The following PGR variants were observed in gnomAD, a reference collection of about 807,000 sequenced individuals.
PGR encodes the protein progesterone receptor.
In PGR, 25 loss-of-function variants were observed where a neutral mutation model predicts 76.1. That is an observed-to-expected ratio of 0.33 (90% CI 0.24 to 0.46). PGR has a LOEUF of 0.46. PGR is among the 20% of genes least tolerant of loss of function. The pLI is 1.00. For synonymous variants in PGR, 579 were observed against 535.0 expected (o/e 1.08, Z -1.14); for missense variants, 1,172 against 1,225.3 (o/e 0.96, Z 0.65).
chr11:101,059,089 C>A (rs1052279334), intron 4 of PGR, among the ~76,000 whole-genome samples: 1 of 151,956 alleles, frequency 6.6e-6, no homozygotes, highest in Non-Finnish European at 1.5e-5. Flanking sequence ...CATTATTCAG[C>A]AAACCTATCT....
intron 2 of PGR, among the ~76,000 whole-genome samples, chr11:101,102,954 C>T (rs1004156619): frequency 6.6e-6 from 1 of 151,920 alleles, no homozygotes; most frequent in Non-Finnish European, 1.5e-5. Context: ...GGAGCACAAC[C>T]TAGATCCCTG....
chr11:101,066,610 T>C (rs1016219306), intron 3 of PGR, among the ~76,000 whole-genome samples: 1 of 152,186 alleles, frequency 6.6e-6, no homozygotes, highest in African/African-American at 2.4e-5. Context: ...GCATCTCCAC[T>C]TGTATTTCTA....
At position 101,051,530 on chromosome 11, in the gene PGR, T is replaced by C. The variant is rs1156810626; in HGVS notation, c.2251A>G (p.Ile751Val). 6.2e-7 allele frequency: 1 copy of C among 1,609,630 alleles called. No individual in the cohort carries two copies. Among genetic ancestry groups the C allele is most frequent in the Non-Finnish European group, 8.5e-7 (1 of 1,176,224 alleles). Residue 751 changes from isoleucine to valine, a missense_variant, in exon 5 of 8, where the codon ATT becomes GTT. Ile to Val is a conservative substitution (Grantham distance 29). Coordinates refer to ENST00000325455, the MANE Select transcript of PGR (RefSeq NM_000926.4). ...NLHIDDQITL[I>V]QYSWMSLMVF... ...ATTAAGCTCATCCAAGAATACTGAA[T>C]GAGAGTTATCTGGTCATCAATATGT...
intron 2 of PGR, among the ~76,000 whole-genome samples, chr11:101,116,712 G>T (rs77190603): frequency 6.9e-6 from 1 of 145,058 alleles, no homozygotes; most frequent in Non-Finnish European, 1.5e-5. Context: ...TGCACTCCAG[G>T]CTGGGTGACA....
intron 2 of PGR, among the ~76,000 whole-genome samples, chr11:101,122,187 A>G (rs1862702301): frequency 6.6e-6 from 1 of 150,724 alleles, no homozygotes; most frequent in Non-Finnish European, 1.5e-5. Context: ...ATAATATGCA[A>G]TACAATTGAA....
In PGR at chr11:101,110,190, C is replaced by G. The variant is rs540366181; in HGVS notation, c.1789+15817G>C. Among the ~76,000 whole-genome samples, 577 of 152,314 alleles carry G rather than the reference C, an allele frequency of 3.8e-3. 5 individuals are homozygous for G. Among genetic ancestry groups the G allele is most frequent in the Non-Finnish European group, 6.2e-3 (425 of 68,016 alleles). On this transcript the variant is annotated intron_variant, in intron 2 of 7. Transcript: ENST00000325455. ...TGGATCACTGAGTAATTCTGACTTT[C>G]AAGCCTTATGACTTAAGAAACTCAT...
At chr11:101,055,199 G>A (rs1251977934) in intron 4 of PGR, among the ~76,000 whole-genome samples, 1 of 151,966 alleles carries the variant, frequency 6.6e-6, no homozygotes, top group East Asian at 1.9e-4. Flanking sequence ...TGGATCACAA[G>A]GTCAAGAGAT....
intron 3 of PGR, among the ~76,000 whole-genome samples, chr11:101,071,009 C>A (rs576616231): frequency 2.6e-5 from 4 of 152,248 alleles, no homozygotes; most frequent in Admixed American, 6.5e-5. Flanking sequence ...GGTCCCTGAC[C>A]CCTGTGCCTC....
chr11:101,115,311 T>C (rs1290110838), intron 2 of PGR, among the ~76,000 whole-genome samples: 2 of 152,000 alleles, frequency 1.3e-5, no homozygotes, highest in Admixed American at 6.6e-5. Flanking sequence ...ATGATCTTTT[T>C]CCCCTTGAAA....
At chr11:101,100,071 C>T (rs1394144667) in intron 2 of PGR, among the ~76,000 whole-genome samples, 1 of 152,162 alleles carries the variant, frequency 6.6e-6, no homozygotes, top group East Asian at 1.9e-4. Flanking sequence ...ATTTTGATTA[C>T]TGATATGGTT....
intron 1 of PGR, chr11:101,127,027 C>A (rs1198272485): frequency 1.3e-5 from 2 of 154,016 alleles, no homozygotes; most frequent in Non-Finnish European, 2.9e-5. Context: ...AAACGTCCTT[C>A]TTCTAAGAAA....
At position 101,122,450 on chromosome 11, in the gene PGR, T is replaced by A. The variant is rs146995977; in HGVS notation, c.1789+3557A>T. Reference sequence around the variant, plus strand: ...CTGGCAAAGATAAGCCATTGAGAAATAGTCCTTTCCTTCATCATACCAGGT... The same window carrying A: ...CTGGCAAAGATAAGCCATTGAGAAAAAGTCCTTTCCTTCATCATACCAGGT... On this transcript the variant is annotated intron_variant, in intron 2 of 7. Transcript: ENST00000325455. Among the ~76,000 whole-genome samples the A allele has an allele frequency of 5.9e-5, 9 of 152,312 alleles. No homozygotes were observed. The East Asian group carries it at 7.7e-4, about 13-fold the overall frequency.
chr11:101,049,892 C>A, intron 6 of PGR, 37 bp downstream of exon 6: 2 of 1,561,734 alleles, frequency 1.3e-6, no homozygotes, highest in Non-Finnish European at 1.8e-6. Context: ...AATTAAGAAA[C>A]TAGATATCTT....
At chr11:101,104,009 A>G (rs1862073189) in intron 2 of PGR, among the ~76,000 whole-genome samples, 1 of 152,224 alleles carries the variant, frequency 6.6e-6, no homozygotes, top group Non-Finnish European at 1.5e-5. Flanking sequence ...AATAATGTAT[A>G]TAAAATCTAT....
chr11:101,066,927 T>C (rs1322740220), intron 3 of PGR, among the ~76,000 whole-genome samples: 1 of 152,222 alleles, frequency 6.6e-6, no homozygotes, highest in Non-Finnish European at 1.5e-5. Flanking sequence ...TCACTTTTTG[T>C]AGACTATTTT....
At chr11:101,098,306 C>A (rs1174153668) in intron 2 of PGR, among the ~76,000 whole-genome samples, 1 of 152,106 alleles carries the variant, frequency 6.6e-6, no homozygotes, top group African/African-American at 2.4e-5. Flanking sequence ...TCAATATGAG[C>A]ACAAGTGAAC....
intron 2 of PGR, among the ~76,000 whole-genome samples, chr11:101,102,902 T>G: frequency 6.6e-6 from 1 of 151,724 alleles, no homozygotes; most frequent in Admixed American, 6.6e-5. Flanking sequence ...AGGATGAAAT[T>G]GTTCCACTTC....
At chr11:101,069,896 C>G (rs1385156901) in intron 3 of PGR, among the ~76,000 whole-genome samples, 1 of 151,804 alleles carries the variant, frequency 6.6e-6, no homozygotes, top group Non-Finnish European at 1.5e-5. Context: ...GTAGAAACAT[C>G]TAATGTAGAT....
intron 3 of PGR, among the ~76,000 whole-genome samples, chr11:101,078,462 TA>T (rs1337963997): frequency 3.3e-5 from 5 of 152,322 alleles, no homozygotes; most frequent in African/African-American, 7.2e-5. Context: ...TCATTTCAGA[TA>T]TTTTTTTGTG....
Sources: gnomAD v4.1 joint callset for allele counts (sites outside exome capture counted in the v4.1 genomes callset) on GRCh38, gnomAD v4.1.1 for gene constraint, MANE v1.5 for transcripts, NCBI Gene and HGNC (gene_info 2026-07-23, HGNC 2026-07-21) for gene names.